The following CHD3 variants were observed in gnomAD, a reference collection of about 807,000 sequenced individuals.
The protein encoded by CHD3 is chromodomain helicase DNA binding protein 3.
Under a neutral mutation model 248.9 loss-of-function variants are expected in CHD3, and 52 were observed. The observed-to-expected ratio is 0.21, with a 90% CI of 0.17 to 0.26. CHD3 has a LOEUF of 0.26. Among genes scored for constraint, CHD3 ranks in the 10% least tolerant of loss-of-function variants. The pLI, the probability that CHD3 is intolerant of heterozygous loss-of-function variation, is 1.00. For missense variants in CHD3, 1,482 were observed against 2,605.8 expected (o/e 0.57, Z 9.39); for synonymous variants, 985 against 985.2 (o/e 1.00, Z 0.00).
Position 7,900,208 on chromosome 17 carries a change from G to A in CHD3, c.2683-82G>A. On this transcript the variant is annotated intron_variant, in intron 16 of 39. Coordinates refer to ENST00000330494, the MANE Select transcript of CHD3 (RefSeq NM_001005273.3). This position sits in a 1 kb window ranked among gnomAD's most constrained non-coding sequence, Gnocchi z 6.5. ...TGATCCTGAGTGAAATGGGAGCTGG[G>A]GCAGGGAAAGGCTGATGCTGTGGGT... is the stretch of plus-strand genomic sequence containing the variant. 6.3e-7 allele frequency: 1 copy of A among 1,586,966 alleles called. No homozygotes were observed. Among genetic ancestry groups the A allele is most frequent in the Non-Finnish European group, 8.6e-7 (1 of 1,162,828 alleles).
Position 7,895,248 on chromosome 17 carries a change from C to G in CHD3, c.1504-91C>G. The G allele has an allele frequency of 1.9e-6, 3 of 1,581,456 alleles. No homozygotes were observed. The highest frequency in any genetic ancestry group is 2.6e-6 in the Non-Finnish European group (3 of 1,159,940). Reference sequence around the variant, plus strand: ...TCCAGCTTTTCATTTCTCTGCACTCCCCCACCCTTGTGGGACCCCTATCTT... The same window carrying G: ...TCCAGCTTTTCATTTCTCTGCACTCGCCCACCCTTGTGGGACCCCTATCTT... On this transcript the variant is annotated intron_variant, in intron 9 of 39. Coordinates refer to ENST00000330494, the MANE Select transcript of CHD3 (RefSeq NM_001005273.3). This position sits in a 1 kb window ranked among gnomAD's most constrained non-coding sequence, Gnocchi z 4.9.
In CHD3 at chr17:7,903,205, A is replaced by G; in HGVS notation, c.3496-67A>G. On this transcript the variant is annotated intron_variant, in intron 22 of 39. Coordinates refer to ENST00000330494, the MANE Select transcript of CHD3 (RefSeq NM_001005273.3). The surrounding 1 kb of genome is among the most constrained non-coding windows in gnomAD (Gnocchi z 6.8). Reference sequence around the variant, plus strand: ...CTTCAGCAGCCTTCTTTCCTGAGGCAGCTCTATGGGCAGCTTCTCCCCGGC... The same window carrying G: ...CTTCAGCAGCCTTCTTTCCTGAGGCGGCTCTATGGGCAGCTTCTCCCCGGC... 1 of 1,578,292 alleles carries G rather than the reference A, an allele frequency of 6.3e-7. No homozygotes were observed. Among genetic ancestry groups the G allele is most frequent in the Non-Finnish European group, 8.7e-7 (1 of 1,151,586 alleles).
rs896825864 is a variant in CHD3, at chr17:7,904,283, T to C, written c.3895-159T>C. 3 of 673,646 alleles carry C rather than the reference T, an allele frequency of 4.5e-6. No individual in the cohort carries two copies. Among genetic ancestry groups the C allele is most frequent in the Non-Finnish European group, 7.7e-6 (3 of 391,462 alleles). 41.7% of individuals were successfully genotyped at this position (673,646 alleles called of 1,614,324 possible). A position where few individuals can be genotyped will look rare whatever the true frequency, so the allele number is the denominator to read the frequency against. On this transcript the variant is annotated intron_variant, in intron 24 of 39. Transcript: ENST00000330494. This position sits in a 1 kb window ranked among gnomAD's most constrained non-coding sequence, Gnocchi z 4.4. ...AGCACATTGCAGGTAAGAGATGGCA[T>C]GGAACATGCGCAATGTCCAGAAAAT...
intron 3 of CHD3, 63 bp from the exon 4 acceptor site, chr17:7,890,877 C>T: frequency 6.2e-7 from 1 of 1,607,644 alleles, no homozygotes; most frequent in Non-Finnish European, 8.5e-7. Flanking sequence ...GTAGACAGGC[C>T]TGTGTGCGGC....
At position 7,903,817 on chromosome 17, in the gene CHD3, C is replaced by T; in HGVS notation, c.3728-8C>T. The T allele has an allele frequency of 1.2e-6, 2 of 1,612,976 alleles. No individual in the cohort carries two copies. The highest frequency in any genetic ancestry group is 1.7e-6 in the Non-Finnish European group (2 of 1,179,122). ...CCCAAAGTTCCCGTTTGTTTTCCCTCTCACCAGGGGAGAACAAGGAGGAGG... is the reference window on the plus strand; with the variant it reads ...CCCAAAGTTCCCGTTTGTTTTCCCTTTCACCAGGGGAGAACAAGGAGGAGG... On this transcript the variant is annotated splice_region_variant and splice_polypyrimidine_tract_variant and intron_variant, in intron 23 of 39. Transcript: ENST00000330494. This position sits in a 1 kb window ranked among gnomAD's most constrained non-coding sequence, Gnocchi z 6.8.
chr17:7,894,413 A>G lies in CHD3; in HGVS notation c.1076-2A>G. ...TTATCCCTCCACCGGGGTATATGAC[A>G]GTCCTGGGCTGTCCTGCAGTGGCCG... is the stretch of plus-strand genomic sequence containing the variant. On this transcript the variant is annotated splice_acceptor_variant, in intron 7 of 39. Coordinates refer to ENST00000330494, the MANE Select transcript of CHD3 (RefSeq NM_001005273.3). LOFTEE classifies it high-confidence loss of function. 3 of 1,609,312 alleles carry G rather than the reference A, an allele frequency of 1.9e-6. No homozygotes were observed. Among genetic ancestry groups the G allele is most frequent in the Non-Finnish European group, 1.7e-6 (2 of 1,176,600 alleles).
chr17:7,901,470 T>G, intron 20 of CHD3, 95 bp downstream of exon 20: 1 of 1,023,850 alleles, frequency 9.8e-7, no homozygotes, highest in Non-Finnish European at 1.3e-6. Context: ...GTGGCTGCTC[T>G]GGTGTGACAA....
In CHD3 at chr17:7,910,871, A is replaced by G. The variant is rs1762926922; in HGVS notation, c.5779A>G (p.Thr1927Ala). 6.2e-7 allele frequency: 1 copy of G among 1,610,414 alleles called. No homozygotes were observed. Among genetic ancestry groups the G allele is most frequent in the South Asian group, 1.1e-5 (1 of 90,700 alleles). ...TPAYPPGPYA[T>A]PPGYGAAFSA... ...GGCCTACCCGCCGGGTCCCTACGCT[A>G]CACCTCCGGGGTACGGGGCGGCCTT... is the stretch of plus-strand genomic sequence containing the variant. The change falls in exon 39 of 40, where the codon ACA becomes GCA. Residue 1927 changes from threonine to alanine, a missense_variant. This residue lies in a region of CHD3 where 117 missense variants were observed against 137.2 expected (regional missense o/e 0.85). Coordinates refer to ENST00000330494, the MANE Select transcript of CHD3 (RefSeq NM_001005273.3). This position sits in a 1 kb window ranked among gnomAD's most constrained non-coding sequence, Gnocchi z 4.7.
chr17:7,905,411 G>A lies in CHD3; in HGVS notation c.4139-210G>A. The stretch of plus-strand genomic sequence containing the variant: ...ATTCCCACTGGTAATCTGGGCCTTT[G>A]TCAGATATCAGCTGTTAATTTTAAA... On this transcript the variant is annotated intron_variant, in intron 26 of 39. Coordinates refer to ENST00000330494, the MANE Select transcript of CHD3 (RefSeq NM_001005273.3). The surrounding 1 kb of genome is among the most constrained non-coding windows in gnomAD (Gnocchi z 5.8). 1 of 616,538 alleles carries A rather than the reference G, an allele frequency of 1.6e-6. No individual in the cohort carries two copies. The highest frequency in any genetic ancestry group is 2.9e-6 in the Non-Finnish European group (1 of 347,976). 38.2% of individuals were successfully genotyped at this position (616,538 alleles called of 1,614,324 possible).
In CHD3 at chr17:7,898,214, G is replaced by A. The variant is rs1011144096; in HGVS notation, c.2051+112G>A. ...GGCCTGATTCAACCTGGAGTTCAGGGCAATGGCCACCTGAGCTGGGTTGTT... is the reference window on the plus strand; with the variant it reads ...GGCCTGATTCAACCTGGAGTTCAGGACAATGGCCACCTGAGCTGGGTTGTT... On this transcript the variant is annotated intron_variant, in intron 12 of 39. Transcript: ENST00000330494. 2.2e-5 allele frequency: 28 copies of A among 1,295,688 alleles called. No individual in the cohort carries two copies. The African/African-American group carries it at 4.1e-4, about 19-fold the overall frequency. 80.3% of individuals were successfully genotyped at this position (1,295,688 alleles called of 1,614,324 possible). A position where few individuals can be genotyped will look rare whatever the true frequency, so the allele number is the denominator to read the frequency against.
In CHD3 at chr17:7,908,970, C is replaced by A; in HGVS notation, c.5394+141C>A. The A allele has an allele frequency of 7.1e-7, 1 of 1,416,738 alleles. No homozygotes were observed. The highest frequency in any genetic ancestry group is 9.7e-7 in the Non-Finnish European group (1 of 1,028,050). 87.8% of individuals were successfully genotyped at this position (1,416,738 alleles called of 1,614,324 possible). A position where few individuals can be genotyped will look rare whatever the true frequency, so the allele number is the denominator to read the frequency against. ...GCCAAGACCAAAGTGTAACCTTGTG[C>A]TTGGGAGTGTGATCTGGGTCAGGGT... On this transcript the variant is annotated intron_variant, in intron 36 of 39. Transcript: ENST00000330494. The surrounding 1 kb of genome is among the most constrained non-coding windows in gnomAD (Gnocchi z 5.8).
chr17:7,898,690 C>G (rs1969975133), intron 13 of CHD3, 95 bp downstream of exon 13: 2 of 915,956 alleles, frequency 2.2e-6, no homozygotes, highest in Non-Finnish European at 3.4e-6. Flanking sequence ...GATTCAGTAA[C>G]CTCTGTGAAC....
In CHD3 at chr17:7,906,144, G is replaced by A. The variant is rs1970907414; in HGVS notation, c.4358+155G>A. On this transcript the variant is annotated intron_variant, in intron 28 of 39. Transcript: ENST00000330494. The surrounding 1 kb of genome is among the most constrained non-coding windows in gnomAD (Gnocchi z 5.0). ...TCCTGGCTCGATTTCCTGGGGGGTG[G>A]TCTCAGCCCACTCCACCTCCCCTCA... 8.4e-7 allele frequency: 1 copy of A among 1,191,468 alleles called. No homozygotes were observed. The highest frequency in any genetic ancestry group is 1.2e-5 in the South Asian group (1 of 82,126). The allele number at this position is 1,191,468 out of a possible 1,614,324, so 73.8% of individuals were successfully genotyped here. A position where few individuals can be genotyped will look rare whatever the true frequency, so the allele number is the denominator to read the frequency against.
rs566634042 is a variant in CHD3, at chr17:7,902,711, C to T, written c.3354C>T (p.Ala1118=). The part of the protein sequence containing the change: ...GGITGALRQE[A]IDRFNAPGAQ... ...TCACGGGTGCCCTGAGGCAGGAGGCCATCGATCGGTTTAATGGTGAGGGAG... is the reference window on the plus strand; with the variant it reads ...TCACGGGTGCCCTGAGGCAGGAGGCTATCGATCGGTTTAATGGTGAGGGAG... Residue 1118 remains alanine (A), a synonymous_variant, in exon 21 of 40, where the codon GCC becomes GCT. Transcript: ENST00000330494. The T allele has an allele frequency of 1.6e-5, 26 of 1,613,678 alleles. No homozygotes were observed. The African/African-American group carries it at 2.9e-4, about 18-fold the overall frequency.
At chr17:7,891,098 C>T (rs370878395) in intron 4 of CHD3, 34 bp downstream of exon 4, 2 of 1,609,356 alleles carry the variant, frequency 1.2e-6, no homozygotes, top group Non-Finnish European at 1.7e-6. Context: ...CGCTAATTGA[C>T]ACTTTTAATT....
chr17:7,885,561 T>C (rs1383894787), upstream of CHD3, among the ~76,000 whole-genome samples: 1 of 145,566 alleles, frequency 6.9e-6, no homozygotes, highest in African/African-American at 2.6e-5. Flanking sequence ...GAGGGGCACG[T>C]GGGGGAGGGG....
At position 7,899,753 on chromosome 17, in the gene CHD3, G is replaced by C. The variant is rs1189671753; in HGVS notation, c.2545-143G>C. 8.6e-7 allele frequency: 1 copy of C among 1,167,226 alleles called. No homozygotes were observed. Among genetic ancestry groups the C allele is most frequent in the Middle Eastern group, 3.0e-4 (1 of 3,384 alleles). 72.3% of individuals were successfully genotyped at this position (1,167,226 alleles called of 1,614,324 possible). A position where few individuals can be genotyped will look rare whatever the true frequency, so the allele number is the denominator to read the frequency against. On this transcript the variant is annotated intron_variant, in intron 15 of 39. Coordinates refer to ENST00000330494, the MANE Select transcript of CHD3 (RefSeq NM_001005273.3). The surrounding 1 kb of genome is among the most constrained non-coding windows in gnomAD (Gnocchi z 6.8). ...TACTGGAAATGTGGGCAGAGGTTTA[G>C]GAGCCATGGTCTGTAATCCCTGCTT...
chr17:7,898,538 TAAG>T lies in CHD3; in HGVS notation c.2107_2109del (p.Lys703del), dbSNP rs765034008. On this transcript the variant is annotated inframe_deletion, in exon 13 of 40. Coordinates refer to ENST00000330494, the MANE Select transcript of CHD3 (RefSeq NM_001005273.3). ...AAGACCCTGCCCAGCCCCGCAAGTA[TAAG>T]AAGAAGAAGAAGGAGCTACAGGGTG... 1.3e-4 allele frequency: 215 copies of T among 1,600,916 alleles called. No individual in the cohort carries two copies. Among genetic ancestry groups the T allele is most frequent in the Admixed American group, 2.4e-4 (14 of 59,416 alleles).
Position 7,903,988 on chromosome 17 carries a change from C to G in CHD3, c.3891C>G (p.Asp1297Glu), listed in dbSNP as rs767877300. The change falls in exon 24 of 40, where the codon GAC becomes GAG. Residue 1297 changes from aspartate to glutamate, a missense_variant. This residue lies in a region of CHD3 where 156 missense variants were observed against 420.3 expected (regional missense o/e 0.37). Coordinates refer to ENST00000330494, the MANE Select transcript of CHD3 (RefSeq NM_001005273.3). This position sits in a 1 kb window ranked among gnomAD's most constrained non-coding sequence, Gnocchi z 6.8. ...KVAQYVVREE[D>E]KIEEIEREII... The stretch of plus-strand genomic sequence containing the variant: ...CACAGTACGTCGTGCGGGAAGAAGA[C>G]AAGGTGAGAGGCTTTGGGGGCCAGA... 6.2e-7 allele frequency: 1 copy of G among 1,613,708 alleles called. No homozygotes were observed. The highest frequency in any genetic ancestry group is 8.5e-7 in the Non-Finnish European group (1 of 1,179,766).
Sources: gnomAD v4.1 joint callset for allele counts (sites outside exome capture counted in the v4.1 genomes callset) on GRCh38, gnomAD v4.1.1 for gene constraint, gnomAD v4.1.1 regional missense constraint, Gnocchi (gnomAD v3.1) non-coding constraint, MANE v1.5 for transcripts, NCBI Gene and HGNC (gene_info 2026-07-23, HGNC 2026-07-21) for gene names.